Variants in GABRA2 observed in about 807,000 individuals in gnomAD.
GABRA2 encodes gamma-aminobutyric acid type A receptor subunit alpha2, also known as gamma-aminobutyric acid receptor subunit alpha-2.
Under a neutral mutation model 48.7 loss-of-function variants are expected in GABRA2, and 16 were observed. The ratio of observed to expected loss-of-function variants is 0.33; its 90% CI spans 0.22 to 0.50. The LOEUF is 0.50. GABRA2 is among the 20% of genes least tolerant of loss of function. GABRA2 has a pLI of 0.98. For missense variants in GABRA2, 275 were observed against 535.6 expected (o/e 0.51, Z 4.80); for synonymous variants, 185 against 184.5 (o/e 1.00, Z -0.02).
chr4:46,280,094 T>A (rs1328108830), intron 8 of GABRA2, among the ~76,000 whole-genome samples: 1 of 151,794 alleles, frequency 6.6e-6, no homozygotes, highest in African/African-American at 2.4e-5. Flanking sequence ...AAATTTAAAG[T>A]ATAGTGGGAA....
At chr4:46,329,714 AT>A (rs1418113767) in intron 4 of GABRA2, among the ~76,000 whole-genome samples, 4 of 152,102 alleles carry the variant, frequency 2.6e-5, no homozygotes, top group Admixed American at 1.3e-4. Context: ...TTAGTTAATA[AT>A]TCTTTATATC....
chr4:46,355,477 G>A (rs1475729512), intron 3 of GABRA2, among the ~76,000 whole-genome samples: 1 of 152,168 alleles, frequency 6.6e-6, no homozygotes, highest in East Asian at 1.9e-4. Context: ...TCCCCCAGTA[G>A]ACCCTTTAAC....
In GABRA2 at chr4:46,254,650, G is replaced by T. The variant is rs540460624; in HGVS notation, c.1060-4046C>A. On this transcript the variant is annotated intron_variant, in intron 9 of 9. Coordinates refer to ENST00000381620, the MANE Select transcript of GABRA2 (RefSeq NM_000807.4). ...TGGGATCAGTGGGAAGGAGACTGGG[G>T]ATCATGCAGGCAAACTGACACTATT... 5.9e-5 allele frequency among the ~76,000 whole-genome samples: 9 copies of T among 151,518 alleles called. No individual in the cohort carries two copies. In the South Asian group the frequency reaches 1.9e-3, roughly 31 times the overall value.
intron 8 of GABRA2, among the ~76,000 whole-genome samples, chr4:46,266,041 T>C (rs2109372900): frequency 6.6e-6 from 1 of 151,892 alleles, no homozygotes; most frequent in South Asian, 2.1e-4. Flanking sequence ...TTTGTAATAA[T>C]TCAATCTTCG....
At chr4:46,292,726 G>A (rs1005972685) in intron 8 of GABRA2, among the ~76,000 whole-genome samples, 9 of 152,142 alleles carry the variant, frequency 5.9e-5, no homozygotes, top group African/African-American at 2.2e-4. Flanking sequence ...GCAGAGGAAG[G>A]GATCCAAAGG....
chr4:46,380,331 T>C (rs889845571), intron 3 of GABRA2, among the ~76,000 whole-genome samples: 1 of 152,216 alleles, frequency 6.6e-6, no homozygotes, highest in Non-Finnish European at 1.5e-5. Flanking sequence ...TAAGACTGAA[T>C]GCATAAGAAA....
intron 8 of GABRA2, among the ~76,000 whole-genome samples, chr4:46,267,959 C>T (rs1262197718): frequency 2.0e-5 from 3 of 151,930 alleles, no homozygotes; most frequent in African/African-American, 7.2e-5. Context: ...ATTCTACAAA[C>T]GTTCCAAAAT....
intron 1 of GABRA2, chr4:46,389,493 A>C: frequency 1.4e-6 from 1 of 740,412 alleles, no homozygotes; most frequent in Non-Finnish European, 1.6e-6. Flanking sequence ...AAGACTATAA[A>C]AGAGCCAGGC....
At chr4:46,387,016 A>T (rs1021565941) in intron 2 of GABRA2, 3 of 152,208 alleles carry the variant, frequency 2.0e-5, no homozygotes, top group African/African-American at 7.2e-5. Flanking sequence ...CTCCATCATA[A>T]AGCCAAACAC....
At chr4:46,298,949 G>A (rs1045044032) in intron 8 of GABRA2, among the ~76,000 whole-genome samples, 1 of 151,312 alleles carries the variant, frequency 6.6e-6, no homozygotes, top group African/African-American at 2.4e-5. Context: ...GGCATATTAT[G>A]TCTTAAATGC....
chr4:46,305,541 G>A, intron 7 of GABRA2, 27 bp downstream of exon 7: 1 of 1,603,254 alleles, frequency 6.2e-7, no homozygotes, highest in Non-Finnish European at 8.5e-7. Context: ...TTAGGCACCA[G>A]CTTTTTTAAA....
intron 8 of GABRA2, among the ~76,000 whole-genome samples, chr4:46,266,620 G>A (rs1718287825): frequency 6.7e-6 from 1 of 149,948 alleles, no homozygotes; most frequent in African/African-American, 2.4e-5. Flanking sequence ...ATTTCTTAGC[G>A]TTTACTTTAT....
At chr4:46,371,341 G>A (rs73133238) in intron 3 of GABRA2, among the ~76,000 whole-genome samples, 6,145 of 152,034 alleles carry the variant, frequency 0.04, 435 homozygotes, top group African/African-American at 0.14. Flanking sequence ...TAAATCAAGC[G>A]TACTATTATA....
chr4:46,249,990 G>A lies in GABRA2; in HGVS notation c.*318C>T, dbSNP rs994647446. The A allele has an allele frequency of 4.2e-6, 1 of 235,304 alleles. No homozygotes were observed. The highest frequency in any genetic ancestry group is 9.1e-5 in the East Asian group (1 of 10,950). 14.6% of individuals were successfully genotyped at this position (235,304 alleles called of 1,614,324 possible). ...GAGCTAAACCAAAAGGGTCCACAAAGGGTTGTACAGGATCCCCATTTTCAT... is the reference window on the plus strand; with the variant it reads ...GAGCTAAACCAAAAGGGTCCACAAAAGGTTGTACAGGATCCCCATTTTCAT... On this transcript the variant is annotated 3_prime_UTR_variant, in exon 10 of 10. Transcript: ENST00000381620.
intron 3 of GABRA2, among the ~76,000 whole-genome samples, chr4:46,375,624 TC>T (rs1424278319): frequency 6.6e-6 from 1 of 152,134 alleles, no homozygotes; most frequent in Non-Finnish European, 1.5e-5. Context: ...ATATCATAAT[TC>T]TCTGCCTCAC....
At chr4:46,379,952 T>TTC (rs148120706) in intron 3 of GABRA2, among the ~76,000 whole-genome samples, 7 of 152,034 alleles carry the variant, frequency 4.6e-5, no homozygotes, top group Non-Finnish European at 1.5e-5. Flanking sequence ...TCTCAGCATG[T>TTC]TCTCTCTCTC....
At chr4:46,336,945 T>C (rs1190466290) in intron 3 of GABRA2, among the ~76,000 whole-genome samples, 1 of 152,138 alleles carries the variant, frequency 6.6e-6, no homozygotes, top group Non-Finnish European at 1.5e-5. Flanking sequence ...AGTATTTAAT[T>C]AATGAAAAAT....
At chr4:46,266,273 TA>T (rs1237694310) in intron 8 of GABRA2, among the ~76,000 whole-genome samples, 17 of 148,250 alleles carry the variant, frequency 1.1e-4, no homozygotes, top group Non-Finnish European at 1.9e-4. Flanking sequence ...TATTTTATAT[TA>T]ATAAGATAGT....
rs1713412323 is a variant in GABRA2, at chr4:46,244,832, A to C, written c.*5476T>G. ...AATTGTACCAAAGAAGTTAGTAAAT[A>C]GCTAGCATCACAAAAACGGGTATTG... On this transcript the variant is annotated 3_prime_UTR_variant, in exon 10 of 10. Transcript: ENST00000381620. Among the ~76,000 whole-genome samples, 1 of 151,444 alleles carries C rather than the reference A, an allele frequency of 6.6e-6. No homozygotes were observed. Among genetic ancestry groups the C allele is most frequent in the Non-Finnish European group, 1.5e-5 (1 of 67,542 alleles).
Sources: allele counts gnomAD v4.1 joint callset (sites outside exome capture counted in the v4.1 genomes callset), GRCh38; gene constraint gnomAD v4.1.1; transcripts MANE v1.5; gene names NCBI Gene and HGNC (gene_info 2026-07-23, HGNC 2026-07-21).